Variants in CAST observed in about 807,000 individuals in gnomAD.
CAST encodes the protein calpastatin, also known as MIR583 host.
Under a neutral mutation model 119.6 loss-of-function variants are expected in CAST, and 76 were observed. The ratio of observed to expected loss-of-function variants is 0.64; its 90% CI spans 0.53 to 0.77. CAST has a LOEUF of 0.77. Among genes scored for constraint, CAST ranks in the 30% least tolerant of loss-of-function variants. The pLI is 0.00. For synonymous variants in CAST, 319 were observed against 331.6 expected, an observed-to-expected ratio of 0.96 and a Z score of 0.41; for missense variants, 953 against 946.5, an observed-to-expected ratio of 1.01 and a Z score of -0.09.
At chr5:96,693,401 T>C (rs1752949308) in intron 2 of CAST, among the ~76,000 whole-genome samples, 2 of 152,392 alleles carry the variant, frequency 1.3e-5, no homozygotes, top group East Asian at 1.9e-4. Context: ...CAGATCCTAA[T>C]TGGCATATTG....
intron 1 of CAST, among the ~76,000 whole-genome samples, chr5:96,629,209 T>C (rs1747776481): frequency 6.6e-6 from 1 of 152,246 alleles, no homozygotes; most frequent in Non-Finnish European, 1.5e-5. Context: ...GTCCAGCCTC[T>C]GGTACCTCTC....
the CAST span, among the ~76,000 whole-genome samples, chr5:96,176,217 G>A: frequency 3.3e-5 from 5 of 152,182 alleles, no homozygotes; most frequent in Admixed American, 6.5e-5. Flanking sequence ...GTACATTTGG[G>A]GAACTGCCAA....
the CAST span, among the ~76,000 whole-genome samples, chr5:96,372,950 C>T: frequency 1.2e-4 from 19 of 152,206 alleles, no homozygotes; most frequent in Non-Finnish European, 2.6e-4. Flanking sequence ...AATGTCCAGG[C>T]GCATCTAGGG....
At chr5:96,566,156 G>A (rs554928615) in intron 1 of CAST, among the ~76,000 whole-genome samples, 1 of 152,286 alleles carries the variant, frequency 6.6e-6, no homozygotes, top group South Asian at 2.1e-4. Context: ...GGGAATGACA[G>A]AGAGAAAAGG....
the CAST span, among the ~76,000 whole-genome samples, chr5:96,511,136 CAA>C: frequency 1.3e-5 from 2 of 152,128 alleles, no homozygotes; most frequent in African/African-American, 4.8e-5. Context: ...TACAAAAAAA[CAA>C]AGACTATATT....
intron 1 of CAST, chr5:96,546,260 T>A (rs1156506331): frequency 1.3e-5 from 2 of 152,190 alleles, no homozygotes; most frequent in African/African-American, 4.8e-5. Flanking sequence ...GAGGCCAAAG[T>A]CATAACTTGA....
chr5:96,744,524 G>T (rs764148432), intron 16 of CAST, among the ~76,000 whole-genome samples: 1 of 152,218 alleles, frequency 6.6e-6, no homozygotes, highest in Admixed American at 6.5e-5. Context: ...CCCACGACAC[G>T]TGGGAATTAT....
the CAST span, chr5:96,391,447 CAGA>C: frequency 6.6e-6 from 1 of 152,082 alleles, no homozygotes; most frequent in Non-Finnish European, 1.5e-5. Flanking sequence ...AGAAGGAAGC[CAGA>C]AGGTTAGTAA....
intron 1 of CAST, among the ~76,000 whole-genome samples, chr5:96,662,843 A>G (rs1229373706): frequency 2.6e-5 from 4 of 152,194 alleles, no homozygotes; most frequent in African/African-American, 4.8e-5. Context: ...GTTTCACTGG[A>G]CAGCGGGATG....
the CAST span, among the ~76,000 whole-genome samples, chr5:96,346,358 G>T: frequency 3.9e-5 from 6 of 152,152 alleles, no homozygotes; most frequent in Non-Finnish European, 8.8e-5. Flanking sequence ...TATCAGGCAG[G>T]TGGTTAGATA....
At chr5:96,435,899 T>C in the CAST span, among the ~76,000 whole-genome samples, 1 of 152,246 alleles carries the variant, frequency 6.6e-6, no homozygotes, top group Non-Finnish European at 1.5e-5. Context: ...TTAAACATTT[T>C]GTTACTACGA....
At chr5:96,100,050 G>C in the CAST span, among the ~76,000 whole-genome samples, 3 of 152,148 alleles carry the variant, frequency 2.0e-5, no homozygotes, top group Admixed American at 1.3e-4. Flanking sequence ...TCCTTGTTCA[G>C]TGTTGGGATG....
intron 1 of CAST, among the ~76,000 whole-genome samples, chr5:96,623,055 G>C (rs774946226): frequency 5.3e-5 from 8 of 151,392 alleles, no homozygotes; most frequent in Admixed American, 1.3e-4. Context: ...GTAGAGACAG[G>C]GTTTCACCAT....
At chr5:96,035,971 T>C in the CAST span, among the ~76,000 whole-genome samples, 1 of 151,764 alleles carries the variant, frequency 6.6e-6, no homozygotes, top group African/African-American at 2.4e-5. Context: ...CATTTGAAAA[T>C]ATTACTCTAT....
chr5:96,124,138 C>T, the CAST span, among the ~76,000 whole-genome samples: 2 of 152,258 alleles, frequency 1.3e-5, no homozygotes, highest in East Asian at 1.9e-4. Context: ...ACTTTCATTT[C>T]CTAAATTTTA....
chr5:96,492,874 C>G, the CAST span, among the ~76,000 whole-genome samples: 1 of 152,166 alleles, frequency 6.6e-6, no homozygotes, highest in Non-Finnish European at 1.5e-5. Context: ...AATAGAGATG[C>G]CCCAAGCGTT....
chr5:96,422,498 A>G, the CAST span, among the ~76,000 whole-genome samples: 3 of 151,934 alleles, frequency 2.0e-5, no homozygotes, highest in Admixed American at 6.6e-5. Context: ...TCCAGGCTCC[A>G]CTCCCTTTTC....
chr5:96,737,934 G>T lies in CAST; in HGVS notation c.785G>T (p.Gly262Val). 2 of 1,579,322 alleles carry T rather than the reference G, an allele frequency of 1.3e-6. No individual in the cohort carries two copies. Among genetic ancestry groups the T allele is most frequent in the South Asian group, 2.2e-5 (2 of 90,156 alleles). ...ETEEENTTYT[G>V]PEVSDPMSST... Reference sequence around the variant, plus strand: ...GAAGAAGAAAATACAACGTATACTGGACCAGAAGTTTCAGTATGTGATCAT... The same window carrying T: ...GAAGAAGAAAATACAACGTATACTGTACCAGAAGTTTCAGTATGTGATCAT... The change falls in exon 11 of 32, where the codon GGA becomes GTA. Residue 262 changes from glycine (G) to valine (V), a missense_variant. By Grantham distance (109) the Gly-to-Val change is moderately radical. Transcript: ENST00000675179.
At chr5:96,071,687 G>A in the CAST span, among the ~76,000 whole-genome samples, 1 of 151,986 alleles carries the variant, frequency 6.6e-6, no homozygotes, top group Non-Finnish European at 1.5e-5. Flanking sequence ...TTTACTCCCC[G>A]GATTATGGTC....
Sources: allele counts gnomAD v4.1 joint callset (sites outside exome capture counted in the v4.1 genomes callset), GRCh38; gene constraint gnomAD v4.1.1; transcripts MANE v1.5; gene names NCBI Gene and HGNC (gene_info 2026-07-23, HGNC 2026-07-21).